FAF1: variants seen among roughly 807,000 people sequenced by gnomAD.
FAF1 encodes the protein Fas associated factor 1.
FAF1 carries 25 observed loss-of-function variants against 92.5 expected under a neutral mutation model. The ratio of observed to expected loss-of-function variants is 0.27; its 90% CI spans 0.20 to 0.38. The LOEUF is 0.38. FAF1 is among the 10% of genes least tolerant of loss of function. The probability of loss-of-function intolerance (pLI) is 1.00; values close to 1 mark genes in which losing one functional copy is unlikely to be tolerated. For synonymous variants in FAF1, 234 were observed against 273.2 expected, an observed-to-expected ratio of 0.86 and a Z score of 1.42; for missense variants, 636 against 793.3, an observed-to-expected ratio of 0.80 and a Z score of 2.38.
At chr1:50,705,314 C>T (rs1657629580) in intron 7 of FAF1, among the ~76,000 whole-genome samples, 1 of 152,182 alleles carries the variant, frequency 6.6e-6, no homozygotes, top group Non-Finnish European at 1.5e-5. Flanking sequence ...AAAAGATAGT[C>T]TCCAACAGCA....
intron 18 of FAF1, among the ~76,000 whole-genome samples, chr1:50,474,231 T>C (rs1646610086): frequency 6.6e-6 from 1 of 152,212 alleles, no homozygotes; most frequent in Non-Finnish European, 1.5e-5. Context: ...CGCCTTCAAG[T>C]AGCTGAAGAC....
intron 5 of FAF1, among the ~76,000 whole-genome samples, chr1:50,742,711 A>G (rs1453791044): frequency 1.3e-5 from 2 of 152,180 alleles, no homozygotes; most frequent in East Asian, 1.9e-4. Context: ...AGGTTTCTCA[A>G]TGAATGAATG....
At chr1:50,602,975 A>C (rs1652215307) in intron 8 of FAF1, among the ~76,000 whole-genome samples, 1 of 152,200 alleles carries the variant, frequency 6.6e-6, no homozygotes, top group Non-Finnish European at 1.5e-5. Context: ...CCAGGTAAGG[A>C]TTATAATCCC....
At chr1:50,830,824 G>A (rs1644146117) in intron 2 of FAF1, among the ~76,000 whole-genome samples, 1 of 151,884 alleles carries the variant, frequency 6.6e-6, no homozygotes, top group Non-Finnish European at 1.5e-5. Flanking sequence ...GATCCCAAAT[G>A]AACTTATAAG....
intron 18 of FAF1, among the ~76,000 whole-genome samples, chr1:50,468,353 T>C (rs1646525792): frequency 2.0e-5 from 3 of 151,966 alleles, no homozygotes; most frequent in Admixed American, 6.6e-5. Flanking sequence ...AGTCCAGTGG[T>C]AGGATCTTGG....
At chr1:50,484,179 C>CA (rs1428886689) in intron 17 of FAF1, among the ~76,000 whole-genome samples, 2 of 152,288 alleles carry the variant, frequency 1.3e-5, no homozygotes, top group African/African-American at 2.4e-5. Context: ...ATTCTGCAGT[C>CA]AATCTCTATT....
At chr1:50,491,923 T>C in intron 15 of FAF1, 122 bp from the exon 16 acceptor site, 1 of 682,426 alleles carries the variant, frequency 1.5e-6, no homozygotes. Flanking sequence ...TAAGAGACTT[T>C]TAAAGTGTAT....
At chr1:50,843,887 G>A (rs967914839) in intron 2 of FAF1, among the ~76,000 whole-genome samples, 6 of 152,070 alleles carry the variant, frequency 3.9e-5, no homozygotes, top group Non-Finnish European at 8.8e-5. Context: ...CCCATATTTT[G>A]AATATATACC....
At chr1:50,798,465 T>C (rs752532442) in intron 3 of FAF1, among the ~76,000 whole-genome samples, 16 of 152,234 alleles carry the variant, frequency 1.1e-4, no homozygotes, top group Admixed American at 2.0e-4. Context: ...TTCCTAAAAA[T>C]ATCTCCAAAA....
chr1:50,707,334 T>G (rs1657720363), intron 6 of FAF1, among the ~76,000 whole-genome samples: 1 of 151,394 alleles, frequency 6.6e-6, no homozygotes, highest in African/African-American at 2.4e-5. Context: ...GTAACCAAAA[T>G]AAAAGAAAAT....
At chr1:50,501,904 A>G (rs1646993729) in intron 15 of FAF1, among the ~76,000 whole-genome samples, 1 of 152,216 alleles carries the variant, frequency 6.6e-6, no homozygotes, top group Non-Finnish European at 1.5e-5. Flanking sequence ...TAAAATGTGT[A>G]CACAAATGTT....
intron 6 of FAF1, among the ~76,000 whole-genome samples, chr1:50,723,655 T>C (rs1404146084): frequency 6.6e-6 from 1 of 152,070 alleles, no homozygotes; most frequent in Non-Finnish European, 1.5e-5. Flanking sequence ...CTCACACTTA[T>C]AATCCCAGTG....
At chr1:50,585,894 A>G (rs892734931) in intron 9 of FAF1, among the ~76,000 whole-genome samples, 2 of 150,608 alleles carry the variant, frequency 1.3e-5, no homozygotes, top group Non-Finnish European at 3.0e-5. Context: ...AAAAAAAAAA[A>G]AAAAAAAGAA....
In FAF1 at chr1:50,494,486, T is replaced by C. The variant is rs56402443; in HGVS notation, c.1495-2685A>G. On this transcript the variant is annotated intron_variant, in intron 15 of 18. Transcript: ENST00000396153. The stretch of plus-strand genomic sequence containing the variant: ...GGGTGGAGGTAGAACAACTGGATTA[T>C]GAGATTCAGAAACAGGTCTTACGTG... Among the ~76,000 whole-genome samples the C allele has an allele frequency of 9.2e-3, 1,394 of 152,326 alleles. 19 individuals carry two copies. Among genetic ancestry groups the C allele is most frequent in the African/African-American group, 0.032 (1,342 of 41,570 alleles).
At chr1:50,873,740 G>T (rs1341332152) in intron 1 of FAF1, among the ~76,000 whole-genome samples, 2 of 152,182 alleles carry the variant, frequency 1.3e-5, no homozygotes, top group Non-Finnish European at 2.9e-5. Context: ...GCCCACAAGG[G>T]CTCTCGGCAC....
intron 9 of FAF1, among the ~76,000 whole-genome samples, chr1:50,594,174 G>A (rs1419677140): frequency 6.6e-6 from 1 of 151,998 alleles, no homozygotes; most frequent in Non-Finnish European, 1.5e-5. Flanking sequence ...ATTGAGCCGG[G>A]TGTGGTGGTG....
rs111278364 is a variant in FAF1 at position 50,767,719 on chromosome 1, A to G, written c.367+20281T>C. On this transcript the variant is annotated intron_variant, in intron 4 of 18. Coordinates refer to ENST00000396153, the MANE Select transcript of FAF1 (RefSeq NM_007051.3). ...TTCATATCCTGCCAGATTAAGCTTC[A>G]TAAATGAATCCTTTTCAGATGAGCA... Among the ~76,000 whole-genome samples, 332 of 152,302 alleles carry G rather than the reference A, an allele frequency of 2.2e-3. 2 individuals are homozygous for G. The highest frequency in any genetic ancestry group is 0.013 in the South Asian group (61 of 4,826).
At chr1:50,518,216 A>G (rs1364514154) in intron 15 of FAF1, among the ~76,000 whole-genome samples, 1 of 152,234 alleles carries the variant, frequency 6.6e-6, no homozygotes, top group African/African-American at 2.4e-5. Context: ...TGTACAGTGT[A>G]TAACTTTTAG....
intron 12 of FAF1, among the ~76,000 whole-genome samples, chr1:50,576,297 G>A (rs1468019183): frequency 6.6e-6 from 1 of 152,120 alleles, no homozygotes; most frequent in Non-Finnish European, 1.5e-5. Context: ...TAGGGCCACA[G>A]AGCTACTAAG....
Sources: gnomAD v4.1 joint callset for allele counts (sites outside exome capture counted in the v4.1 genomes callset) on GRCh38, gnomAD v4.1.1 for gene constraint, MANE v1.5 for transcripts, NCBI Gene and HGNC (gene_info 2026-07-23, HGNC 2026-07-21) for gene names.